TAOK1: variants seen among roughly 807,000 people sequenced by gnomAD.
TAOK1 encodes TAO kinase 1.
In TAOK1, 21 loss-of-function variants were observed where a neutral mutation model predicts 138.3. That is an observed-to-expected ratio of 0.15 (90% CI 0.11 to 0.22). The LOEUF is 0.22. Among genes scored for constraint, TAOK1 ranks in the 10% least tolerant of loss-of-function variants. The pLI, the probability that TAOK1 is intolerant of heterozygous loss-of-function variation, is 1.00. For synonymous variants in TAOK1, 361 were observed against 398.4 expected (o/e 0.91, Z 1.12); for missense variants, 651 against 1,227.7 (o/e 0.53, Z 7.02).
chr17:29,390,514 A>T lies in TAOK1; in HGVS notation c.-605A>T, dbSNP rs957279767. ...GGGCCGAAAGCACTAGGCACTCGCG[A>T]ACATCTGAGGCCTCCCGGCCCCGGG... On this transcript the variant is annotated 5_prime_UTR_variant, in exon 1 of 20. Coordinates refer to ENST00000261716, the MANE Select transcript of TAOK1 (RefSeq NM_020791.4). The T allele has an allele frequency of 1.3e-5, 2 of 152,264 alleles. No homozygotes were observed. Among genetic ancestry groups the T allele is most frequent in the African/African-American group, 4.8e-5 (2 of 41,352 alleles). The allele number at this position is 152,264 out of a possible 1,614,324, so 9.4% of individuals were successfully genotyped here. A position where few individuals can be genotyped will look rare whatever the true frequency, so the allele number is the denominator to read the frequency against.
chr17:29,397,596 C>T (rs1904653127), intron 1 of TAOK1, among the ~76,000 whole-genome samples: 1 of 62,010 alleles, frequency 1.6e-5, no homozygotes. Context: ...GAGTGAGATT[C>T]CGTCCCCCCC....
At chr17:29,434,359 C>T (rs1905958254) in intron 1 of TAOK1, among the ~76,000 whole-genome samples, 2 of 151,850 alleles carry the variant, frequency 1.3e-5, no homozygotes, top group African/African-American at 4.8e-5. Context: ...TAAAGGAGTC[C>T]CAGAGGTTCA....
chr17:29,528,143 G>A (rs1479153572), intron 17 of TAOK1, among the ~76,000 whole-genome samples: 5 of 152,110 alleles, frequency 3.3e-5, no homozygotes, highest in Admixed American at 6.6e-5. Context: ...TCCACCTCCC[G>A]GGTTCAAGCA....
chr17:29,433,683 C>T (rs1285427228), intron 1 of TAOK1, among the ~76,000 whole-genome samples: 1 of 151,232 alleles, frequency 6.6e-6, no homozygotes, highest in Admixed American at 6.6e-5. Context: ...CCATTCAAAT[C>T]TCAGGTTCCA....
intron 1 of TAOK1, among the ~76,000 whole-genome samples, chr17:29,427,073 G>T (rs1905664539): frequency 6.6e-6 from 1 of 152,298 alleles, no homozygotes; most frequent in South Asian, 2.1e-4. Context: ...AGATTCGGAA[G>T]GGTGGGTAGG....
chr17:29,410,166 G>A lies in TAOK1; in HGVS notation c.-95+19142G>A, dbSNP rs544027935. Among the ~76,000 whole-genome samples the A allele has an allele frequency of 2.6e-5, 4 of 152,284 alleles. No individual in the cohort carries two copies. In the East Asian group the frequency reaches 7.7e-4, roughly 29 times the overall value. ...CAAAGCACTTAATCTCTGGGCCTCA[G>A]TTCATTGTCTGTAAAATGGGAATAA... On this transcript the variant is annotated intron_variant, in intron 1 of 19. Transcript: ENST00000261716.
intron 10 of TAOK1, among the ~76,000 whole-genome samples, chr17:29,493,362 C>T (rs561051888): frequency 3.9e-4 from 59 of 151,538 alleles, no homozygotes; most frequent in African/African-American, 1.4e-3. Flanking sequence ...GACGTGGTGG[C>T]GCATGCCTGT....
chr17:29,480,571 C>A, intron 7 of TAOK1, 90 bp downstream of exon 7: 1 of 1,155,730 alleles, frequency 8.7e-7, no homozygotes, highest in South Asian at 1.5e-5. Flanking sequence ...AAAGTACTGT[C>A]AGGAATGTTA....
At chr17:29,478,420 T>C in intron 6 of TAOK1, 73 bp downstream of exon 6, 1 of 1,103,552 alleles carries the variant, frequency 9.1e-7, no homozygotes, top group South Asian at 1.8e-5. Context: ...ATTTATTAAC[T>C]CTAAAGTTTT....
intron 19 of TAOK1, among the ~76,000 whole-genome samples, 176 bp downstream of exon 19, chr17:29,534,476 C>A (rs2032188625): frequency 6.6e-6 from 1 of 152,100 alleles, no homozygotes; most frequent in African/African-American, 2.4e-5. Flanking sequence ...CACTGATGAA[C>A]CTTATCATTA....
At chr17:29,524,145 C>G (rs1461434150) in intron 17 of TAOK1, among the ~76,000 whole-genome samples, 2 of 152,124 alleles carry the variant, frequency 1.3e-5, no homozygotes, top group African/African-American at 2.4e-5. Flanking sequence ...GTTATGTTGA[C>G]TACTAACATA....
intron 1 of TAOK1, among the ~76,000 whole-genome samples, chr17:29,421,607 G>A (rs374677489): frequency 2.6e-3 from 402 of 152,180 alleles, no homozygotes; most frequent in Middle Eastern, 0.01. Context: ...AGTAAGTTAG[G>A]TTATCTTTTT....
intron 1 of TAOK1, among the ~76,000 whole-genome samples, chr17:29,423,234 T>C (rs113042165): frequency 6.6e-6 from 1 of 150,380 alleles, no homozygotes; most frequent in Non-Finnish European, 1.5e-5. Context: ...CTTTTTTTTT[T>C]TTTGAGACAG....
At position 29,551,234 on chromosome 17, in the gene TAOK1, T is replaced by C. The variant is rs184221165; in HGVS notation, c.*8212T>C. 1.3e-5 allele frequency: 2 copies of C among 152,330 alleles called. No homozygotes were observed. Among genetic ancestry groups the C allele is most frequent in the East Asian group, 3.9e-4 (2 of 5,194 alleles). 9.4% of individuals were successfully genotyped at this position (152,330 alleles called of 1,614,324 possible). A position where few individuals can be genotyped will look rare whatever the true frequency, so the allele number is the denominator to read the frequency against. ...GGGTTATCAGCTAACTGATATGCTA[T>C]CATTGAGGTTCATCAATGAATTTGT... On this transcript the variant is annotated 3_prime_UTR_variant, in exon 20 of 20. Coordinates refer to ENST00000261716, the MANE Select transcript of TAOK1 (RefSeq NM_020791.4).
intron 1 of TAOK1, among the ~76,000 whole-genome samples, chr17:29,416,733 T>G (rs541127324): frequency 6.6e-6 from 1 of 152,256 alleles, no homozygotes; most frequent in South Asian, 2.1e-4. Context: ...GGAATTGTAT[T>G]CAGTGTCATG....
chr17:29,434,758 G>T (rs1319843711), intron 1 of TAOK1, among the ~76,000 whole-genome samples: 1 of 152,092 alleles, frequency 6.6e-6, no homozygotes, highest in African/African-American at 2.4e-5. Context: ...AGTCAGCCAC[G>T]CTCACCTGCA....
At position 29,516,607 on chromosome 17, in the gene TAOK1, A is replaced by G. The variant is rs533515765; in HGVS notation, c.1705-846A>G. Among the ~76,000 whole-genome samples the G allele has an allele frequency of 4.7e-5, 7 of 150,068 alleles. No individual in the cohort carries two copies. In the East Asian group the frequency reaches 1.4e-3, roughly 30 times the overall value. ...AACCTCCACCTCCTGGGTTCAAGCG[A>G]TTCTCTGCCTCACCCTCCCAAGTAG... On this transcript the variant is annotated intron_variant, in intron 15 of 19. Coordinates refer to ENST00000261716, the MANE Select transcript of TAOK1 (RefSeq NM_020791.4).
intron 11 of TAOK1, 62 bp from the exon 12 acceptor site, chr17:29,498,256 G>T: frequency 6.4e-7 from 1 of 1,569,026 alleles, no homozygotes; most frequent in East Asian, 2.2e-5. Flanking sequence ...TTATAGTCAA[G>T]AATTCAGAAG....
chr17:29,402,297 G>C (rs919581415), intron 1 of TAOK1, among the ~76,000 whole-genome samples: 1 of 152,094 alleles, frequency 6.6e-6, no homozygotes, highest in African/African-American at 2.4e-5. Context: ...TTTAAAAAAA[G>C]AAGACTTTCT....
Sources: allele counts gnomAD v4.1 joint callset (sites outside exome capture counted in the v4.1 genomes callset), GRCh38; gene constraint gnomAD v4.1.1; transcripts MANE v1.5; gene names NCBI Gene and HGNC (gene_info 2026-07-23, HGNC 2026-07-21).